CEP68: variants seen among roughly 807,000 people sequenced by gnomAD.
CEP68 encodes the protein centrosomal protein 68.
A neutral mutation model predicts 55.3 loss-of-function variants in CEP68; 26 were observed. That is an observed-to-expected ratio of 0.47 (90% CI 0.34 to 0.65). The LOEUF (loss-of-function observed/expected upper bound fraction) is 0.65. Among genes scored for constraint, CEP68 ranks in the 30% least tolerant of loss-of-function variants. The probability of loss-of-function intolerance (pLI) is 0.01; values close to 1 mark genes in which losing one functional copy is unlikely to be tolerated. For synonymous variants in CEP68, 402 were observed against 383.2 expected, an observed-to-expected ratio of 1.05 and a Z score of -0.57; for missense variants, 957 against 946.7, an observed-to-expected ratio of 1.01 and a Z score of -0.14.
At chr2:65,070,717 C>A (rs1676421404) in intron 2 of CEP68, 1 of 151,946 alleles carries the variant, frequency 6.6e-6, no homozygotes, top group Non-Finnish European at 1.5e-5. Flanking sequence ...GGGGATGAGT[C>A]CGGTGCTTAT....
At chr2:65,082,102 C>T (rs1021880426) in intron 5 of CEP68, among the ~76,000 whole-genome samples, 1 of 152,144 alleles carries the variant, frequency 6.6e-6, no homozygotes, top group Non-Finnish European at 1.5e-5. Flanking sequence ...AACATTCTTC[C>T]CAGCCAATAG....
chr2:65,063,912 T>C (rs1012914856), intron 1 of CEP68, among the ~76,000 whole-genome samples: 2 of 152,248 alleles, frequency 1.3e-5, no homozygotes, highest in South Asian at 4.1e-4. Flanking sequence ...CAGTTTTGAA[T>C]GCATTATAGA....
At chr2:65,061,199 A>C (rs1573016001) in intron 1 of CEP68, among the ~76,000 whole-genome samples, 1 of 152,214 alleles carries the variant, frequency 6.6e-6, no homozygotes, top group African/African-American at 2.4e-5. Context: ...AAAAAGGGCT[A>C]CCTAAAGACC....
At position 65,071,862 on chromosome 2, in the gene CEP68, G is replaced by A; in HGVS notation, c.766G>A (p.Gly256Arg). 1 of 1,608,142 alleles carries A rather than the reference G, an allele frequency of 6.2e-7. No homozygotes were observed. Among genetic ancestry groups the A allele is most frequent in the Non-Finnish European group, 8.5e-7 (1 of 1,176,928 alleles). The change falls in exon 3 of 7, where the codon GGG becomes AGG. Residue 256 changes from glycine to arginine, a missense_variant. Physicochemically the swap from Gly to Arg is moderately radical, Grantham distance 125. Coordinates refer to ENST00000377990, the MANE Select transcript of CEP68 (RefSeq NM_015147.3). ...GTGGTCACCACAGCCTGTGTTCTCT[G>A]GGGGTGATGCTTCTGGGCTAGGCAG... is the stretch of plus-strand genomic sequence containing the variant. ...PQWSPQPVFS[G>R]GDASGLGRRR...
In CEP68 at chr2:65,077,933, T is replaced by G; in HGVS notation, c.2073T>G (p.Ile691Met). The G allele has an allele frequency of 6.2e-7, 1 of 1,613,894 alleles. No individual in the cohort carries two copies. The highest frequency in any genetic ancestry group is 8.5e-7 in the Non-Finnish European group (1 of 1,179,832). Reference sequence around the variant, plus strand: ...AGAGTGTCTTACAGAAGGGGGAGATTCTTCTTCAGTGCCTGTTGGAGAACA... The same window carrying G: ...AGAGTGTCTTACAGAAGGGGGAGATGCTTCTTCAGTGCCTGTTGGAGAACA... ...LTESVLQKGE[I>M]LLQCLLENTP... The change falls in exon 5 of 7, where the codon ATT becomes ATG. Residue 691 changes from isoleucine (I) to methionine (M), a missense_variant. By Grantham distance (10) the Ile-to-Met change is conservative (BLOSUM62 1). Coordinates refer to ENST00000377990, the MANE Select transcript of CEP68 (RefSeq NM_015147.3).
chr2:65,076,364 A>G (rs992393629), intron 4 of CEP68, among the ~76,000 whole-genome samples: 3 of 152,104 alleles, frequency 2.0e-5, no homozygotes, highest in Non-Finnish European at 2.9e-5. Context: ...TCTAGGCTAG[A>G]CGGAAACAAC....
intron 6 of CEP68, 110 bp downstream of exon 6, chr2:65,082,819 C>T (rs1668894786): frequency 1.1e-6 from 1 of 914,046 alleles, no homozygotes; most frequent in Non-Finnish European, 1.6e-6. Context: ...AAATGAGATA[C>T]TGGAAGAAGA....
At chr2:65,060,329 T>C (rs1305918568) in intron 1 of CEP68, among the ~76,000 whole-genome samples, 1 of 152,214 alleles carries the variant, frequency 6.6e-6, no homozygotes, top group Admixed American at 6.5e-5. Context: ...CTCCCATGGC[T>C]TCTCCAAAGA....
chr2:65,072,710 G>T lies in CEP68; in HGVS notation c.1614G>T (p.Gln538His). 6.2e-7 allele frequency: 1 copy of T among 1,614,128 alleles called. No individual in the cohort carries two copies. The highest frequency in any genetic ancestry group is 2.2e-5 in the East Asian group (1 of 44,880). ...ASFPSSSSQS[Q>H]LPPGAALQGS... ...TCCCTTCAAGCTCCAGCCAAAGCCA[G>T]CTTCCCCCTGGAGCTGCCCTCCAAG... The change falls in exon 3 of 7, where the codon CAG (glutamine) becomes CAT (histidine). Residue 538 changes from glutamine to histidine, a missense_variant. Gln to His is a conservative substitution (Grantham distance 24). Transcript: ENST00000377990.
Position 65,071,456 on chromosome 2 carries a change from G to T in CEP68, c.360G>T (p.Val120=). The T allele has an allele frequency of 1.2e-6, 2 of 1,612,416 alleles. No homozygotes were observed. Among genetic ancestry groups the T allele is most frequent in the Non-Finnish European group, 1.7e-6 (2 of 1,178,570 alleles). ...GDLLLSGESQ[V]EKTKLSSSEE... is the part of the protein sequence containing the mutation. Reference sequence around the variant, plus strand: ...TTTTGTCCCTTTGATCATTGCAGGTGGAGAAGACCAAGCTTTCTTCCTCCG... The same window carrying T: ...TTTTGTCCCTTTGATCATTGCAGGTTGAGAAGACCAAGCTTTCTTCCTCCG... Residue 120 remains valine (V), a splice_region_variant and synonymous_variant, in exon 3 of 7, where the codon GTG becomes GTT. Transcript: ENST00000377990.
chr2:65,076,183 C>G (rs914413954), intron 4 of CEP68, among the ~76,000 whole-genome samples: 12 of 152,106 alleles, frequency 7.9e-5, no homozygotes, highest in Admixed American at 4.6e-4. Context: ...ATGCAGACTC[C>G]ACGTGCATGC....
intron 4 of CEP68, among the ~76,000 whole-genome samples, chr2:65,077,241 G>A (rs1676809040): frequency 6.6e-6 from 1 of 151,986 alleles, no homozygotes; most frequent in South Asian, 2.1e-4. Context: ...CAGGTGATCC[G>A]CCCACCTTGG....
At chr2:65,074,635 CA>C in intron 4 of CEP68, 1 of 552,250 alleles carries the variant, frequency 1.8e-6, no homozygotes, top group Non-Finnish European at 3.1e-6. Context: ...TATCTCAAAT[CA>C]AAAATACTTT....
Position 65,071,767 on chromosome 2 carries a change from TCTC to T in CEP68, c.679_681del (p.Ser227del), listed in dbSNP as rs1480730299. ...CCTCGTGGTGGTTCTCTGGCCAAGG[TCTC>T]CTCCTCCCTGGAGCCGGTCGTCCCC... On this transcript the variant is annotated inframe_deletion, in exon 3 of 7. Transcript: ENST00000377990. 7.4e-6 allele frequency: 12 copies of T among 1,612,904 alleles called. No individual in the cohort carries two copies. Among genetic ancestry groups the T allele is most frequent in the Non-Finnish European group, 1.0e-5 (12 of 1,179,228 alleles).
intron 1 of CEP68, among the ~76,000 whole-genome samples, chr2:65,061,758 C>T: frequency 6.6e-6 from 1 of 152,340 alleles, no homozygotes; most frequent in Admixed American, 6.5e-5. Context: ...ACCCACGCCA[C>T]CCTGAAGCAG....
At position 65,072,760 on chromosome 2, in the gene CEP68, A is replaced by T. The variant is rs776281163; in HGVS notation, c.1664A>T (p.Asn555Ile). 3 of 1,613,918 alleles carry T rather than the reference A, an allele frequency of 1.9e-6. No individual in the cohort carries two copies. The highest frequency in any genetic ancestry group is 2.5e-6 in the Non-Finnish European group (3 of 1,179,978). Residue 555 changes from asparagine (N) to isoleucine (I), a missense_variant, in exon 3 of 7, where the codon AAT becomes ATT. Transcript: ENST00000377990. ...GGATCTGGGGATCCTGAGGGCCAGAATCCCTGTTTCCTGCGCTCCTTCGTC... is the reference window on the plus strand; with the variant it reads ...GGATCTGGGGATCCTGAGGGCCAGATTCCCTGTTTCCTGCGCTCCTTCGTC... ...LQGSGDPEGQ[N>I]PCFLRSFVRA...
intron 6 of CEP68, among the ~76,000 whole-genome samples, 183 bp from the exon 7 acceptor site, chr2:65,083,456 T>G (rs1004754899): frequency 3.3e-5 from 5 of 152,240 alleles, no homozygotes; most frequent in Non-Finnish European, 7.3e-5. Context: ...ATGTTTGTAG[T>G]GCTTAACTCA....
Position 65,072,274 on chromosome 2 carries a change from C to G in CEP68, c.1178C>G (p.Ser393Cys). The G allele has an allele frequency of 1.2e-6, 2 of 1,614,078 alleles. No homozygotes were observed. The highest frequency in any genetic ancestry group is 1.1e-5 in the South Asian group (1 of 91,070). Residue 393 changes from serine (S) to cysteine (C), a missense_variant, in exon 3 of 7, where the codon TCT becomes TGT. Ser to Cys is a moderately radical substitution (Grantham distance 112). Coordinates refer to ENST00000377990, the MANE Select transcript of CEP68 (RefSeq NM_015147.3). ...AAACAGGGTGGCATGGGCTTGGCAT[C>G]TTGGAGCCAACTTGCATCTACCCCC... ...PQKQGGMGLA[S>C]WSQLASTPRA...
intron 1 of CEP68, among the ~76,000 whole-genome samples, chr2:65,062,838 A>C (rs2103750040): frequency 1.8e-5 from 1 of 54,692 alleles, no homozygotes; most frequent in East Asian, 4.3e-4. Flanking sequence ...CTCTATCTCA[A>C]AAAAAAAAAT....
Sources: gnomAD v4.1 joint callset for allele counts (sites outside exome capture counted in the v4.1 genomes callset) on GRCh38, gnomAD v4.1.1 for gene constraint, MANE v1.5 for transcripts, NCBI Gene and HGNC (gene_info 2026-07-23, HGNC 2026-07-21) for gene names.